SLC38A9: variants seen among roughly 807,000 people sequenced by gnomAD.
SLC38A9 encodes solute carrier family 38 member 9.
SLC38A9 carries 48 observed loss-of-function variants against 62.3 expected under a neutral mutation model. The ratio of observed to expected loss-of-function variants is 0.77; its 90% CI spans 0.61 to 0.98. SLC38A9 has a LOEUF of 0.98. Among genes scored for constraint, SLC38A9 ranks in the 50% least tolerant of loss-of-function variants. SLC38A9 has a pLI of 0.00. For synonymous variants in SLC38A9, 204 were observed against 227.7 expected, an observed-to-expected ratio of 0.90 and a Z score of 0.94; for missense variants, 541 against 679.8, an observed-to-expected ratio of 0.80 and a Z score of 2.27.
chr5:55,687,065 G>GT (rs56912932), intron 3 of SLC38A9, among the ~76,000 whole-genome samples: 1,871 of 125,150 alleles, frequency 0.015, 38 homozygotes, highest in Non-Finnish European at 0.02. Context: ...CTCCAGCTTT[G>GT]TTTTTTTTTT....
At chr5:55,647,201 T>C (rs1253314843) in intron 11 of SLC38A9, among the ~76,000 whole-genome samples, 1 of 152,000 alleles carries the variant, frequency 6.6e-6, no homozygotes, top group Non-Finnish European at 1.5e-5. Flanking sequence ...TTTTTTGCAA[T>C]TTATTTTAAA....
chr5:55,672,233 C>T (rs748752397), intron 4 of SLC38A9, among the ~76,000 whole-genome samples: 3 of 152,098 alleles, frequency 2.0e-5, no homozygotes, highest in Non-Finnish European at 2.9e-5. Flanking sequence ...CTAAGCAGAA[C>T]ATGTTATTAT....
chr5:55,627,857 T>C (rs1742732236), intron 15 of SLC38A9, 34 bp downstream of exon 15: 1 of 1,286,806 alleles, frequency 7.8e-7, no homozygotes, highest in Admixed American at 1.8e-5. Flanking sequence ...AAGACCAATA[T>C]ATGTAAGGGC....
At chr5:55,679,364 A>C (rs1443282993) in intron 3 of SLC38A9, among the ~76,000 whole-genome samples, 1 of 152,202 alleles carries the variant, frequency 6.6e-6, no homozygotes, top group Non-Finnish European at 1.5e-5. Context: ...AAAGAAAACA[A>C]CTTCATCAAC....
At chr5:55,642,258 G>A (rs1159588861) in intron 12 of SLC38A9, among the ~76,000 whole-genome samples, 1 of 152,202 alleles carries the variant, frequency 6.6e-6, no homozygotes, top group African/African-American at 2.4e-5. Flanking sequence ...TGTTAGCCAG[G>A]AAGGTCTCAA....
chr5:55,633,009 C>CT (rs138036147), intron 14 of SLC38A9, among the ~76,000 whole-genome samples: 7,542 of 147,134 alleles, frequency 0.051, 352 homozygotes, highest in African/African-American at 0.12. Flanking sequence ...GCCTTTTCTC[C>CT]TTTTTTTTTT....
intron 3 of SLC38A9, among the ~76,000 whole-genome samples, chr5:55,686,023 T>A (rs1226953583): frequency 2.0e-5 from 3 of 152,238 alleles, no homozygotes; most frequent in Non-Finnish European, 2.9e-5. Context: ...ATCCAGTCTA[T>A]CATTGATGGG....
At chr5:55,648,416 A>G (rs1746783027) in intron 11 of SLC38A9, among the ~76,000 whole-genome samples, 1 of 152,210 alleles carries the variant, frequency 6.6e-6, no homozygotes, top group African/African-American at 2.4e-5. Flanking sequence ...ATTATTACAT[A>G]ATACATTAAA....
At chr5:55,696,637 G>C (rs1157029236) in intron 3 of SLC38A9, 1 of 72,264 alleles carries the variant, frequency 1.4e-5, no homozygotes, top group Non-Finnish European at 3.5e-5. Flanking sequence ...TCACTTCCCA[G>C]TAGGGGCGGC....
intron 8 of SLC38A9, among the ~76,000 whole-genome samples, chr5:55,661,148 A>G (rs1171729347): frequency 6.6e-6 from 1 of 152,134 alleles, no homozygotes; most frequent in Non-Finnish European, 1.5e-5. Flanking sequence ...CATGAGTAGG[A>G]AGACTCAGTA....
Position 55,661,620 on chromosome 5 carries a change from T to A in SLC38A9, c.697+3073A>T, listed in dbSNP as rs148811378. ...CAATGCAATTCCAGTCAAGTTCTGA[T>A]TGGAATTTTGTGGAACTTGATTAGT... On this transcript the variant is annotated intron_variant, in intron 8 of 15. Coordinates refer to ENST00000396865, the MANE Select transcript of SLC38A9 (RefSeq NM_173514.4). 3.1e-3 allele frequency among the ~76,000 whole-genome samples: 478 copies of A among 152,270 alleles called. 2 individuals are homozygous for A. The highest frequency in any genetic ancestry group is 0.011 in the African/African-American group (459 of 41,556).
chr5:55,702,262 A>AT (rs11316419), intron 2 of SLC38A9, among the ~76,000 whole-genome samples: 16,448 of 147,554 alleles, frequency 0.11, 1,372 homozygotes, highest in East Asian at 0.25. Flanking sequence ...TTTAGCATTA[A>AT]TTTTTTTTTT....
At chr5:55,641,445 A>T (rs1224603676) in intron 12 of SLC38A9, among the ~76,000 whole-genome samples, 1 of 152,230 alleles carries the variant, frequency 6.6e-6, no homozygotes, top group Non-Finnish European at 1.5e-5. Context: ...TCATTCTTGT[A>T]ATCATAACCA....
At chr5:55,633,958 C>CCATTTTATGAATGTGTGT in intron 13 of SLC38A9, 56 bp from the exon 14 acceptor site, 1 of 1,351,080 alleles carries the variant, frequency 7.4e-7, no homozygotes, top group Non-Finnish European at 1.0e-6. Context: ...TACACACATT[C>CCATTTTATGAATGTGTGT]ATAAAATGGA....
intron 3 of SLC38A9, among the ~76,000 whole-genome samples, chr5:55,687,307 G>C (rs1201598824): frequency 6.7e-6 from 1 of 149,884 alleles, no homozygotes; most frequent in Non-Finnish European, 1.5e-5. Flanking sequence ...GGCGCCTGTG[G>C]TCCCAGCTAC....
At chr5:55,667,064 G>A (rs1485007710) in intron 7 of SLC38A9, among the ~76,000 whole-genome samples, 2 of 151,906 alleles carry the variant, frequency 1.3e-5, no homozygotes, top group African/African-American at 4.8e-5. Context: ...GCGTGGTGGT[G>A]GGCGCCTGTA....
chr5:55,704,911 C>G (rs1757095012), intron 2 of SLC38A9, among the ~76,000 whole-genome samples: 1 of 152,144 alleles, frequency 6.6e-6, no homozygotes, highest in African/African-American at 2.4e-5. Flanking sequence ...AATAAAAATA[C>G]TAGTCTTACA....
intron 9 of SLC38A9, among the ~76,000 whole-genome samples, chr5:55,653,791 T>G (rs1350930676): frequency 6.6e-6 from 1 of 152,092 alleles, no homozygotes; most frequent in African/African-American, 2.4e-5. Flanking sequence ...CCTGAGTAGC[T>G]AGGATTACAG....
intron 2 of SLC38A9, among the ~76,000 whole-genome samples, chr5:55,703,680 G>C (rs1167707414): frequency 6.6e-6 from 1 of 152,012 alleles, no homozygotes; most frequent in Non-Finnish European, 1.5e-5. Flanking sequence ...GACTTGTTTG[G>C]TCTTAAGTTT....
Sources: gnomAD v4.1 joint callset for allele counts (sites outside exome capture counted in the v4.1 genomes callset) on GRCh38, gnomAD v4.1.1 for gene constraint, MANE v1.5 for transcripts, NCBI Gene and HGNC (gene_info 2026-07-23, HGNC 2026-07-21) for gene names.